CD300E: variants seen among roughly 807,000 people sequenced by gnomAD.
The protein encoded by CD300E is CD300e molecule.
In CD300E, 14 loss-of-function variants were observed where a neutral mutation model predicts 20.9. That is an observed-to-expected ratio of 0.67 (90% CI 0.44 to 1.05). The LOEUF (loss-of-function observed/expected upper bound fraction) is 1.05, where lower values mean the gene tolerates loss of function less well. Among genes scored for constraint, CD300E ranks in the 50% least tolerant of loss-of-function variants. CD300E has a pLI of 0.00. For missense variants in CD300E, 237 were observed against 253.9 expected (o/e 0.93, Z 0.45); for synonymous variants, 102 against 103.7 (o/e 0.98, Z 0.10).
intron 1 of CD300E, among the ~76,000 whole-genome samples, chr17:74,620,341 G>A (rs951597644): frequency 2.6e-5 from 4 of 152,126 alleles, no homozygotes; most frequent in African/African-American, 7.2e-5. Context: ...GCATAGTGGC[G>A]GGGGCCTATA....
At chr17:74,616,605 A>G (rs962673879) in intron 2 of CD300E, among the ~76,000 whole-genome samples, 4 of 152,156 alleles carry the variant, frequency 2.6e-5, no homozygotes, top group Non-Finnish European at 4.4e-5. Flanking sequence ...GTGGAAAGTC[A>G]TAGGGCGGAA....
intron 1 of CD300E, among the ~76,000 whole-genome samples, chr17:74,618,639 TC>T (rs1286317868): frequency 2.6e-5 from 4 of 152,032 alleles, no homozygotes; most frequent in Non-Finnish European, 5.9e-5. Flanking sequence ...CTGCCTTTCC[TC>T]CCCACTCTGT....
At chr17:74,621,586 G>A (rs948399889) in intron 1 of CD300E, among the ~76,000 whole-genome samples, 1 of 152,242 alleles carries the variant, frequency 6.6e-6, no homozygotes, top group Non-Finnish European at 1.5e-5. Flanking sequence ...TGAAACATGT[G>A]CTTGCTGGTT....
intron 2 of CD300E, among the ~76,000 whole-genome samples, chr17:74,615,981 G>A (rs1212242550): frequency 6.6e-6 from 1 of 152,190 alleles, no homozygotes; most frequent in Non-Finnish European, 1.5e-5. Context: ...AGCTACTCAG[G>A]GGGCTGAGGT....
intron 2 of CD300E, among the ~76,000 whole-genome samples, chr17:74,615,697 G>T (rs1235411785): frequency 1.3e-5 from 2 of 152,212 alleles, no homozygotes; most frequent in Admixed American, 6.5e-5. Context: ...AAACTGGGAT[G>T]ATTAGTGACC....
intron 3 of CD300E, 63 bp downstream of exon 3, chr17:74,613,862 C>G (rs1335488996): frequency 9.1e-7 from 1 of 1,093,292 alleles, no homozygotes; most frequent in African/African-American, 1.5e-5. Context: ...GTGCGCCACC[C>G]CCACCCCCCA....
At chr17:74,621,393 C>T (rs1045973080) in intron 1 of CD300E, among the ~76,000 whole-genome samples, 1 of 152,126 alleles carries the variant, frequency 6.6e-6, no homozygotes, top group African/African-American at 2.4e-5. Flanking sequence ...GAGAGTGTTC[C>T]ATGACCCATG....
chr17:74,614,835 G>A (rs1245794865), intron 2 of CD300E, among the ~76,000 whole-genome samples: 3 of 152,214 alleles, frequency 2.0e-5, no homozygotes, highest in East Asian at 3.9e-4. Flanking sequence ...GTTGACACTC[G>A]GCTCCTCCTA....
At chr17:74,621,509 C>T (rs964733493) in intron 1 of CD300E, among the ~76,000 whole-genome samples, 3 of 152,178 alleles carry the variant, frequency 2.0e-5, no homozygotes, top group African/African-American at 4.8e-5. Flanking sequence ...ATTAGCATTT[C>T]TCAAGGAAAT....
intron 2 of CD300E, among the ~76,000 whole-genome samples, chr17:74,615,880 G>A (rs924081725): frequency 3.9e-5 from 6 of 152,330 alleles, no homozygotes; most frequent in Non-Finnish European, 5.9e-5. Context: ...GAGGTCAGGA[G>A]TTTGAGACCT....
At chr17:74,612,885 C>A (rs2030815194) in intron 3 of CD300E, 112 bp from the exon 4 acceptor site, 2 of 1,448,512 alleles carry the variant, frequency 1.4e-6, no homozygotes, top group African/African-American at 1.4e-5. Context: ...CCAGGAGCAG[C>A]CAGGGAAAGG....
At position 74,617,344 on chromosome 17, in the gene CD300E, G is replaced by A. The variant is rs111412583; in HGVS notation, c.162C>T (p.Tyr54=). ...CCACAATGCTCTCACATGACGTGTC[G>A]TACTGTCCTCGGCACCAGTACTTGT... is the stretch of plus-strand genomic sequence containing the variant. The part of the protein sequence containing the change: ...GYNKYWCRGQ[Y]DTSCESIVET... Residue 54 remains tyrosine, a synonymous_variant, in exon 2 of 4, where the codon TAC becomes TAT. Coordinates refer to ENST00000392619, the MANE Select transcript of CD300E (RefSeq NM_181449.3). 3.5e-5 allele frequency: 56 copies of A among 1,613,996 alleles called. No individual in the cohort carries two copies. The highest frequency in any genetic ancestry group is 2.0e-4 in the African/African-American group (15 of 74,894).
Position 74,623,677 on chromosome 17 carries a change from A to C in CD300E, c.-56T>G. ...AAATCTAGGTCCCAGCTGGAATCCA[A>C]GTATATGTAACGGAGCCTGGGTCAT... is the stretch of plus-strand genomic sequence containing the variant. On this transcript the variant is annotated 5_prime_UTR_variant, in exon 1 of 4. Transcript: ENST00000392619. The C allele has an allele frequency of 1.9e-6, 3 of 1,592,402 alleles. No individual in the cohort carries two copies. The highest frequency in any genetic ancestry group is 2.6e-6 in the Non-Finnish European group (3 of 1,160,180).
intron 2 of CD300E, among the ~76,000 whole-genome samples, chr17:74,615,218 A>G (rs1298343828): frequency 1.3e-5 from 2 of 152,248 alleles, no homozygotes; most frequent in Non-Finnish European, 2.9e-5. Flanking sequence ...ATGCCGGACC[A>G]TGGGATGCTT....
At chr17:74,617,863 G>A (rs548389701) in intron 1 of CD300E, among the ~76,000 whole-genome samples, 1 of 152,336 alleles carries the variant, frequency 6.6e-6, no homozygotes, top group South Asian at 2.1e-4. Flanking sequence ...TTCTTTAAAA[G>A]CACAACTTGC....
At chr17:74,612,989 A>T (rs1227334726) in intron 3 of CD300E, among the ~76,000 whole-genome samples, 1 of 152,150 alleles carries the variant, frequency 6.6e-6, no homozygotes, top group Non-Finnish European at 1.5e-5. Flanking sequence ...GAGGTGATGG[A>T]GTGAAGACAG....
Position 74,617,315 on chromosome 17 carries a change from G to A in CD300E, c.191C>T (p.Thr64Ile), listed in dbSNP as rs201462551. 4 of 1,614,120 alleles carry A rather than the reference G, an allele frequency of 2.5e-6. No homozygotes were observed. The highest frequency in any genetic ancestry group is 2.2e-5 in the East Asian group (1 of 44,872). Residue 64 changes from threonine to isoleucine, a missense_variant, in exon 2 of 4, where the codon ACC becomes ATC. Coordinates refer to ENST00000392619, the MANE Select transcript of CD300E (RefSeq NM_181449.3). Reference sequence around the variant, plus strand: ...CCTCTCCACCTTCTCTTCTCCCTTGGTCTCCACAATGCTCTCACATGACGT... The same window carrying A: ...CCTCTCCACCTTCTCTTCTCCCTTGATCTCCACAATGCTCTCACATGACGT... Reference protein sequence around the residue: ...YDTSCESIVETKGEEKVERNG... With the variant: ...YDTSCESIVEIKGEEKVERNG...
At chr17:74,616,306 C>G (rs1482580167) in intron 2 of CD300E, among the ~76,000 whole-genome samples, 1 of 152,142 alleles carries the variant, frequency 6.6e-6, no homozygotes, top group African/African-American at 2.4e-5. Flanking sequence ...GTTTAAGACT[C>G]TGGGCAGCGA....
chr17:74,623,196 T>C (rs1245161047), intron 1 of CD300E, among the ~76,000 whole-genome samples: 1 of 152,250 alleles, frequency 6.6e-6, no homozygotes, highest in African/African-American at 2.4e-5. Flanking sequence ...TCCTGCAGGA[T>C]GGACTTCCAA....
Sources: gnomAD v4.1 joint callset for allele counts (sites outside exome capture counted in the v4.1 genomes callset) on GRCh38, gnomAD v4.1.1 for gene constraint, MANE v1.5 for transcripts, NCBI Gene and HGNC (gene_info 2026-07-23, HGNC 2026-07-21) for gene names.